The following NWD2 variants were observed in gnomAD, a reference collection of about 807,000 sequenced individuals.
NWD2 encodes the protein NACHT and WD repeat domain containing 2.
NWD2 carries 37 observed loss-of-function variants against 132.7 expected under a neutral mutation model. The observed-to-expected ratio is 0.28, with a 90% CI of 0.21 to 0.37. The LOEUF is 0.37. NWD2 is among the 10% of genes least tolerant of loss of function. NWD2 has a pLI of 1.00. For synonymous variants in NWD2, 705 were observed against 803.0 expected (o/e 0.88, Z 2.06); for missense variants, 1,592 against 2,122.4 (o/e 0.75, Z 4.91).
intron 3 of NWD2, among the ~76,000 whole-genome samples, chr4:37,364,794 T>C (rs983700824): frequency 1.3e-5 from 2 of 151,936 alleles, no homozygotes; most frequent in African/African-American, 4.8e-5. Flanking sequence ...AGGCAGCTCC[T>C]GGCAGTGGAC....
At chr4:37,388,327 G>A (rs1720608678) in intron 3 of NWD2, among the ~76,000 whole-genome samples, 1 of 151,858 alleles carries the variant, frequency 6.6e-6, no homozygotes, top group Non-Finnish European at 1.5e-5. Context: ...AGGACTACAG[G>A]CATAAGCCAC....
chr4:37,305,794 C>T lies in NWD2; in HGVS notation c.152-20142C>T, dbSNP rs114976808. Among the ~76,000 whole-genome samples the T allele has an allele frequency of 8.8e-3, 1,331 of 152,086 alleles. 25 individuals are homozygous for T. Among genetic ancestry groups the T allele is most frequent in the African/African-American group, 0.031 (1,276 of 41,500 alleles). On this transcript the variant is annotated intron_variant, in intron 1 of 6. Transcript: ENST00000309447. ...ATTGGTCTGTAGTTTTCTTTTTTGG[C>T]TGTCTTTGTGCTGTTTTGATATCAG...
intron 1 of NWD2, among the ~76,000 whole-genome samples, chr4:37,317,746 G>A (rs993142685): frequency 2.0e-5 from 3 of 152,150 alleles, no homozygotes; most frequent in Admixed American, 2.0e-4. Flanking sequence ...ATTGGGAAGA[G>A]AATCCACTAA....
chr4:37,350,122 T>G lies in NWD2; in HGVS notation c.241-6244T>G, dbSNP rs193005760. ...TATAGTTTGAAGTCAGGTAGTGCAA[T>G]GCCTCCGGCTTTGTTCTTTTTACTT... On this transcript the variant is annotated intron_variant, in intron 2 of 6. Transcript: ENST00000309447. 2.4e-4 allele frequency among the ~76,000 whole-genome samples: 37 copies of G among 152,362 alleles called. No individual in the cohort carries two copies. In the East Asian group the frequency reaches 6.7e-3, roughly 28 times the overall value.
chr4:37,406,596 G>A (rs972899729), intron 3 of NWD2, among the ~76,000 whole-genome samples: 8 of 152,098 alleles, frequency 5.3e-5, no homozygotes, highest in African/African-American at 1.9e-4. Context: ...ATACACTATG[G>A]AATACTATGC....
At chr4:37,245,303 C>G in intron 1 of NWD2, 85 bp downstream of exon 1, 1 of 1,384,626 alleles carries the variant, frequency 7.2e-7, no homozygotes, top group Non-Finnish European at 9.5e-7. Flanking sequence ...GCCCCACAGC[C>G]CGGTGCGCCC....
chr4:37,406,164 C>A (rs186579519), intron 3 of NWD2, among the ~76,000 whole-genome samples: 33 of 152,062 alleles, frequency 2.2e-4, no homozygotes, highest in Non-Finnish European at 3.5e-4. Flanking sequence ...CAAAACAAAA[C>A]GGTAGAAAAT....
At chr4:37,311,135 T>C (rs1226318847) in intron 1 of NWD2, among the ~76,000 whole-genome samples, 1 of 152,010 alleles carries the variant, frequency 6.6e-6, no homozygotes, top group Non-Finnish European at 1.5e-5. Context: ...TTATAGTCCT[T>C]TGGGTATATA....
chr4:37,292,224 G>C (rs1718378249), intron 1 of NWD2, among the ~76,000 whole-genome samples: 1 of 152,142 alleles, frequency 6.6e-6, no homozygotes, highest in African/African-American at 2.4e-5. Context: ...AGTTTGCTAT[G>C]ATCTGAATGC....
chr4:37,385,027 C>A (rs932912859), intron 3 of NWD2, among the ~76,000 whole-genome samples: 1 of 152,028 alleles, frequency 6.6e-6, no homozygotes, highest in Non-Finnish European at 1.5e-5. Context: ...CATATTGTAC[C>A]CCATAACCAT....
chr4:37,410,660 C>T (rs542200646), intron 3 of NWD2, among the ~76,000 whole-genome samples: 18 of 152,312 alleles, frequency 1.2e-4, no homozygotes, highest in South Asian at 6.2e-4. Context: ...TAGACATCTA[C>T]TGAACTCTCC....
chr4:37,262,977 C>T lies in NWD2; in HGVS notation c.151+17759C>T, dbSNP rs180790422. Among the ~76,000 whole-genome samples the T allele has an allele frequency of 3.3e-5, 5 of 152,200 alleles. No individual in the cohort carries two copies. The East Asian group carries it at 7.7e-4, about 24-fold the overall frequency. Reference sequence around the variant, plus strand: ...TGAGAGAGGAAATGAAGGCAACAACCATTTGGGAGCCCATCATGAAGTTCA... The same window carrying T: ...TGAGAGAGGAAATGAAGGCAACAACTATTTGGGAGCCCATCATGAAGTTCA... On this transcript the variant is annotated intron_variant, in intron 1 of 6. Transcript: ENST00000309447.
intron 1 of NWD2, among the ~76,000 whole-genome samples, chr4:37,275,538 T>G (rs367555404): frequency 5.3e-5 from 8 of 151,796 alleles, no homozygotes; most frequent in East Asian, 1.9e-4. Context: ...TCCCCATCAA[T>G]CTACCAATGA....
chr4:37,358,405 T>C (rs1383020402), intron 3 of NWD2, among the ~76,000 whole-genome samples: 1 of 149,580 alleles, frequency 6.7e-6, no homozygotes, highest in Non-Finnish European at 1.5e-5. Context: ...CTGAAAAGAA[T>C]GCAAAAGAAG....
chr4:37,334,638 A>G (rs533339843), intron 2 of NWD2, among the ~76,000 whole-genome samples: 1 of 152,334 alleles, frequency 6.6e-6, no homozygotes, highest in African/African-American at 2.4e-5. Flanking sequence ...CACTGAGCCA[A>G]GATTGAATCC....
At chr4:37,432,322 A>G (rs1312749625) in intron 4 of NWD2, among the ~76,000 whole-genome samples, 2 of 151,450 alleles carry the variant, frequency 1.3e-5, no homozygotes. Context: ...AACAATATTC[A>G]TACAGATAAT....
intron 1 of NWD2, among the ~76,000 whole-genome samples, chr4:37,266,691 ATATTT>A (rs1717758199): frequency 6.6e-6 from 1 of 152,000 alleles, no homozygotes; most frequent in Non-Finnish European, 1.5e-5. Flanking sequence ...AAACCCCATT[ATATTT>A]TGTTTCTATT....
At chr4:37,416,203 G>A (rs537735091) in intron 3 of NWD2, among the ~76,000 whole-genome samples, 1 of 152,320 alleles carries the variant, frequency 6.6e-6, no homozygotes, top group African/African-American at 2.4e-5. Context: ...CGAGCCAACT[G>A]GACAGCAGCT....
In NWD2 at chr4:37,445,839, G is replaced by A; in HGVS notation, c.3851G>A (p.Ser1284Asn). The A allele has an allele frequency of 6.4e-7, 1 of 1,552,014 alleles. No individual in the cohort carries two copies. Among genetic ancestry groups the A allele is most frequent in the Non-Finnish European group, 8.7e-7 (1 of 1,147,070 alleles). ...TCCATTGTTAAGTTAGTGAAATCCA[G>A]TCACCACAATATGCTACTGTCTTTA... ...SGSIVKLVKS[S>N]HHNMLLSLST... The change falls in exon 7 of 7, where the codon AGT becomes AAT. Residue 1284 changes from serine (S) to asparagine (N), a missense_variant. By Grantham distance (46) the Ser-to-Asn change is conservative. Transcript: ENST00000309447. This position sits in a 1 kb window ranked among gnomAD's most constrained non-coding sequence, Gnocchi z 4.7.
Sources: allele counts gnomAD v4.1 joint callset (sites outside exome capture counted in the v4.1 genomes callset), GRCh38; gene constraint gnomAD v4.1.1; non-coding constraint Gnocchi (gnomAD v3.1); transcripts MANE v1.5; gene names NCBI Gene and HGNC (gene_info 2026-07-23, HGNC 2026-07-21).